The following FSTL5 variants were observed in gnomAD, a reference collection of about 807,000 sequenced individuals.
FSTL5 encodes the protein follistatin like 5.
A neutral mutation model predicts 89.1 loss-of-function variants in FSTL5; 62 were observed. The observed-to-expected ratio is 0.70, with a 90% confidence interval of 0.57 to 0.86. The LOEUF (loss-of-function observed/expected upper bound fraction) is 0.86. Ranked by LOEUF, FSTL5 falls within the 40% of genes least tolerant of loss-of-function variation. The pLI is 0.00. For synonymous variants in FSTL5, 383 were observed against 346.2 expected, an observed-to-expected ratio of 1.11 and a Z score of -1.18; for missense variants, 1,057 against 1,001.6, an observed-to-expected ratio of 1.06 and a Z score of -0.75.
At chr4:161,528,150 T>G (rs1578901189) in intron 10 of FSTL5, among the ~76,000 whole-genome samples, 7 of 62,050 alleles carry the variant, frequency 1.1e-4, no homozygotes, top group South Asian at 9.8e-4. Context: ...TGTTGTGGGG[T>G]GGGGGGAGGG....
intron 13 of FSTL5, among the ~76,000 whole-genome samples, chr4:161,479,696 T>C (rs1360595105): frequency 6.6e-6 from 1 of 152,164 alleles, no homozygotes; most frequent in Non-Finnish European, 1.5e-5. Flanking sequence ...AAAAAATGTG[T>C]AACCTCAGGG....
rs555385274 is a variant in FSTL5 at position 162,044,617 on chromosome 4, G to A, written c.127-10959C>T. 3.3e-5 allele frequency among the ~76,000 whole-genome samples: 5 copies of A among 152,224 alleles called. No individual in the cohort carries two copies. In the South Asian group the frequency reaches 8.3e-4, roughly 25 times the overall value. On this transcript the variant is annotated intron_variant, in intron 2 of 15. Transcript: ENST00000306100. ...GAAGTCAGACATTGACTTCTTTCTCGCTAAGAAAGTGGTGAATGGCATATT... is the reference window on the plus strand; with the variant it reads ...GAAGTCAGACATTGACTTCTTTCTCACTAAGAAAGTGGTGAATGGCATATT...
chr4:161,784,911 C>A (rs1975228), intron 4 of FSTL5, among the ~76,000 whole-genome samples: 1,603 of 43,756 alleles, frequency 0.037, 73 homozygotes, highest in East Asian at 0.24. Flanking sequence ...CAAAAACAAA[C>A]AAACAAAAAA....
chr4:161,964,611 A>G (rs1281593221), intron 3 of FSTL5, among the ~76,000 whole-genome samples: 1 of 151,934 alleles, frequency 6.6e-6, no homozygotes, highest in African/African-American at 2.4e-5. Context: ...TTTTTCTGTT[A>G]CCATAGGAAA....
intron 15 of FSTL5, among the ~76,000 whole-genome samples, chr4:161,431,464 TAA>T (rs1732366843): frequency 6.8e-6 from 1 of 147,808 alleles, no homozygotes; most frequent in Admixed American, 6.7e-5. Flanking sequence ...AAAAAACAGA[TAA>T]ACAGAACGTA....
Position 161,455,128 on chromosome 4 carries a change from C to G in FSTL5, c.1717G>C (p.Val573Leu), listed in dbSNP as rs1243128693. ...TLEKTSPTLQ[V>L]ITLASGNVPH... is the part of the protein sequence containing the mutation. The stretch of plus-strand genomic sequence containing the variant: ...ACATTCCCACTGGCCAGGGTAATTA[C>G]CTAAAGAGAACACACCTTGGTTAGA... The change falls in exon 15 of 16, where the codon GTA becomes CTA. Residue 573 changes from valine (V) to leucine (L), a missense_variant and splice_region_variant. Val to Leu is a conservative substitution (Grantham distance 32). Around this residue, in one of 3 missense-constraint regions of FSTL5, gnomAD observed 980 missense variants for 903.2 expected, o/e 1.08. Transcript: ENST00000306100. The G allele has an allele frequency of 6.2e-7, 1 of 1,601,826 alleles. No individual in the cohort carries two copies. The highest frequency in any genetic ancestry group is 8.5e-7 in the Non-Finnish European group (1 of 1,175,274).
rs144074589 is a variant in FSTL5, at chr4:161,998,135, A to G, written c.160+35490T>C. On this transcript the variant is annotated intron_variant, in intron 3 of 15. Transcript: ENST00000306100. ...TGCTTTAGAATTTCTACAGGGTTCT[A>G]TCTATGCATCTTAGTGACCAAGAAT... Among the ~76,000 whole-genome samples, 16 of 152,288 alleles carry G rather than the reference A, an allele frequency of 1.1e-4. No individual in the cohort carries two copies. The East Asian group carries it at 3.1e-3, about 29-fold the overall frequency.
intron 4 of FSTL5, among the ~76,000 whole-genome samples, chr4:161,778,092 T>TCA (rs71598736): frequency 0.058 from 8,592 of 148,274 alleles, 275 homozygotes; most frequent in Middle Eastern, 0.098. Context: ...AGACTCCGTA[T>TCA]CACACACACA....
intron 2 of FSTL5, among the ~76,000 whole-genome samples, chr4:162,094,868 T>G (rs1359982972): frequency 6.6e-6 from 1 of 152,154 alleles, no homozygotes; most frequent in Non-Finnish European, 1.5e-5. Context: ...CACTTTACTC[T>G]ATATTGCTTC....
intron 3 of FSTL5, among the ~76,000 whole-genome samples, chr4:161,990,321 T>C (rs1736076375): frequency 6.6e-6 from 1 of 152,058 alleles, no homozygotes; most frequent in Non-Finnish European, 1.5e-5. Flanking sequence ...TAAACACCCT[T>C]GAAACAAAAG....
intron 3 of FSTL5, among the ~76,000 whole-genome samples, chr4:161,987,278 ATTTG>A (rs1735989356): frequency 1.3e-5 from 2 of 151,554 alleles, no homozygotes; most frequent in South Asian, 2.1e-4. Flanking sequence ...GGCTGTTTTT[ATTTG>A]TTTGTTTTCA....
intron 2 of FSTL5, among the ~76,000 whole-genome samples, chr4:162,034,824 A>T (rs887922154): frequency 6.6e-6 from 1 of 152,178 alleles, no homozygotes; most frequent in Non-Finnish European, 1.5e-5. Context: ...AATAAAATGC[A>T]TAATGACAAA....
intron 8 of FSTL5, among the ~76,000 whole-genome samples, chr4:161,563,884 TTAC>T (rs1362306731): frequency 6.6e-6 from 1 of 151,936 alleles, no homozygotes; most frequent in Non-Finnish European, 1.5e-5. Context: ...TAGTAGCGCC[TTAC>T]TACATGTAAT....
intron 6 of FSTL5, among the ~76,000 whole-genome samples, chr4:161,745,224 T>C (rs1346445476): frequency 6.6e-6 from 1 of 152,092 alleles, no homozygotes; most frequent in Non-Finnish European, 1.5e-5. Context: ...AGTAACTTGA[T>C]GAGTTCAGTT....
At chr4:161,739,647 G>A (rs1003808934) in intron 6 of FSTL5, among the ~76,000 whole-genome samples, 3 of 152,130 alleles carry the variant, frequency 2.0e-5, no homozygotes, top group Non-Finnish European at 4.4e-5. Context: ...GGTGCCCAAT[G>A]TGACTCTAGG....
intron 4 of FSTL5, among the ~76,000 whole-genome samples, chr4:161,839,881 G>T (rs1553970371): frequency 1.3e-5 from 2 of 152,126 alleles, no homozygotes; most frequent in Non-Finnish European, 1.5e-5. Context: ...TAGATTAAAA[G>T]AAATTTTTAA....
chr4:161,894,295 A>T (rs2110765750), intron 4 of FSTL5, among the ~76,000 whole-genome samples: 1 of 152,230 alleles, frequency 6.6e-6, no homozygotes, highest in Non-Finnish European at 1.5e-5. Context: ...AATCAAGGAC[A>T]AAATTTGTAA....
intron 3 of FSTL5, among the ~76,000 whole-genome samples, chr4:161,971,181 G>A (rs1395957435): frequency 1.3e-5 from 2 of 152,072 alleles, no homozygotes; most frequent in African/African-American, 2.4e-5. Flanking sequence ...TGAGATCAAT[G>A]GAGGAGAGTT....
In FSTL5 at chr4:161,587,481, T is replaced by C. The variant is rs376026519; in HGVS notation, c.989A>G (p.Tyr330Cys). 1.3e-5 allele frequency: 21 copies of C among 1,613,392 alleles called. No individual in the cohort carries two copies. The highest frequency in any genetic ancestry group is 2.2e-5 in the East Asian group (1 of 44,754). The change falls in exon 8 of 16, where the codon TAT (tyrosine) becomes TGT (cysteine). Residue 330 changes from tyrosine (Y) to cysteine (C), a missense_variant. Transcript: ENST00000306100. ...ATTCACTTGGAAGATGTGAGTCTGATAGACTTGTTCATAGCCATCTGCATA... is the reference window on the plus strand; with the variant it reads ...ATTCACTTGGAAGATGTGAGTCTGACAGACTTGTTCATAGCCATCTGCATA... ...TCYADGYEQV[Y>C]QTHIFQVNVP...
Sources: allele counts gnomAD v4.1 joint callset (sites outside exome capture counted in the v4.1 genomes callset), GRCh38; gene constraint gnomAD v4.1.1; regional missense constraint gnomAD v4.1.1; transcripts MANE v1.5; gene names NCBI Gene and HGNC (gene_info 2026-07-23, HGNC 2026-07-21).